DNASE1: variants seen among roughly 807,000 people sequenced by gnomAD.
DNASE1 encodes deoxyribonuclease-1.
DNASE1 carries 40 observed loss-of-function variants against 33.9 expected under a neutral mutation model. That is an observed-to-expected ratio of 1.18 (90% confidence interval 0.92 to 1.54). The LOEUF is 1.54. Ranked by LOEUF, DNASE1 falls within the 40% of genes most tolerant of loss-of-function variation. The pLI, the probability that DNASE1 is intolerant of heterozygous loss-of-function variation, is 0.00. For missense variants in DNASE1, 518 were observed against 372.6 expected, an observed-to-expected ratio of 1.39 and a Z score of -3.21; for synonymous variants, 216 against 160.0, an observed-to-expected ratio of 1.35 and a Z score of -2.64.
chr16:3,617,474 G>A (rs2041150633), intron 1 of DNASE1, among the ~76,000 whole-genome samples: 1 of 151,762 alleles, frequency 6.6e-6, no homozygotes, highest in Non-Finnish European at 1.5e-5. Context: ...AAACTTTTTT[G>A]TGTAAAAGTA....
At chr16:3,638,424 G>A (rs962058163), upstream of DNASE1, among the ~76,000 whole-genome samples, 20 of 152,046 alleles carry the variant, frequency 1.3e-4, no homozygotes, top group African/African-American at 4.1e-4. Context: ...TGCAAGCTCC[G>A]CCTCCAGGGT....
chr16:3,648,830 AAGG>A, intron 1 of DNASE1, among the ~76,000 whole-genome samples: 1 of 152,354 alleles, frequency 6.6e-6, no homozygotes, highest in Non-Finnish European at 1.5e-5. Context: ...TATAGGATCT[AAGG>A]TCCATACATT....
chr16:3,663,962 C>T (rs1260054844), exon 10 of DNASE1: 1 of 348,112 alleles, frequency 2.9e-6, no homozygotes, highest in East Asian at 5.9e-5. Flanking sequence ...ACTCAGGAGG[C>T]TGAGGCAGGA....
chr16:3,630,118 C>G (rs1215734099), intron 1 of DNASE1, among the ~76,000 whole-genome samples: 5 of 151,670 alleles, frequency 3.3e-5, no homozygotes, highest in Non-Finnish European at 7.4e-5. Flanking sequence ...ACGCCCAGCC[C>G]TTGTTTGTTT....
chr16:3,664,315 G>A, exon 10 of DNASE1: 1 of 1,611,744 alleles, frequency 6.2e-7, no homozygotes, highest in Non-Finnish European at 8.5e-7. Flanking sequence ...TAGGGTGAGT[G>A]CTCTGCCAGG....
chr16:3,664,078 A>G, exon 10 of DNASE1: 1 of 587,028 alleles, frequency 1.7e-6, no homozygotes, highest in South Asian at 2.8e-5. Context: ...AACAAAAAAC[A>G]AACAAAAAAA....
At chr16:3,658,735 C>G, downstream of DNASE1, 1 of 1,530,962 alleles carries the variant, frequency 6.5e-7, no homozygotes, top group Non-Finnish European at 9.0e-7. Flanking sequence ...ACCCTGAAGG[C>G]AGGCTGGCAG....
chr16:3,638,160 A>T (rs1396183960), upstream of DNASE1, among the ~76,000 whole-genome samples: 1 of 151,018 alleles, frequency 6.6e-6, no homozygotes, highest in African/African-American at 2.4e-5. Context: ...TACTTTAAAG[A>T]TGTTACTTCT....
At chr16:3,622,463 T>C (rs1210530100) in intron 1 of DNASE1, among the ~76,000 whole-genome samples, 1 of 152,210 alleles carries the variant, frequency 6.6e-6, no homozygotes, top group Non-Finnish European at 1.5e-5. Flanking sequence ...TTTGCATTCT[T>C]TTAGATTGTG....
At chr16:3,617,852 G>A (rs1369269414) in intron 1 of DNASE1, among the ~76,000 whole-genome samples, 2 of 152,130 alleles carry the variant, frequency 1.3e-5, no homozygotes, top group Admixed American at 6.6e-5. Context: ...ATTAGAGGAA[G>A]TGGGCCTTCA....
intron 1 of DNASE1, among the ~76,000 whole-genome samples, chr16:3,644,747 AG>A (rs941944880): frequency 6.6e-6 from 1 of 151,120 alleles, no homozygotes; most frequent in African/African-American, 2.4e-5. Context: ...AAAAAAAAAA[AG>A]AAATAAAAAA....
At position 3,664,897 on chromosome 16, in the gene DNASE1, G is replaced by A. The variant is rs548571917; in HGVS notation, c.*6944G>A. ...GACTGGCTTTGCCCAGTGGGTTTCA[G>A]TGGGATTTGGAGAAGGGCCCTTAGG... On this transcript the variant is annotated 3_prime_UTR_variant, in exon 10 of 10. Coordinates refer to the DNASE1 transcript ENST00000407479. 4.6e-4 allele frequency: 76 copies of A among 163,488 alleles called. 1 individual carries two copies. The highest frequency in any genetic ancestry group is 9.4e-4 in the African/African-American group (39 of 41,686). 10.1% of individuals were successfully genotyped at this position (163,488 alleles called of 1,614,324 possible).
chr16:3,647,378 A>T (rs1359978279), intron 1 of DNASE1, among the ~76,000 whole-genome samples: 1 of 151,550 alleles, frequency 6.6e-6, no homozygotes. Context: ...GGCTCACACA[A>T]TCCTCCTACC....
intron 1 of DNASE1, among the ~76,000 whole-genome samples, chr16:3,624,074 C>T (rs7185802): frequency 0.36 from 54,935 of 151,802 alleles, 12,360 homozygotes; most frequent in African/African-American, 0.64. Flanking sequence ...CACTTGAGTG[C>T]AAGACCAGCC....
At chr16:3,623,999 G>A (rs1422280133) in intron 1 of DNASE1, among the ~76,000 whole-genome samples, 1 of 152,052 alleles carries the variant, frequency 6.6e-6, no homozygotes, top group Non-Finnish European at 1.5e-5. Context: ...AAAACAGTAT[G>A]GAGGCCAGGT....
At position 3,657,371 on chromosome 16, in the gene DNASE1, T is replaced by G. The variant is rs755325026; in HGVS notation, c.704+30T>G. On this transcript the variant is annotated intron_variant, in intron 7 of 8. Transcript: ENST00000246949. ...GCAGGGCCTCGCGCTTAGGGCAGAC[T>G]GAGGGCACCTCCAAGGGCAGCCGTG... 1.3e-5 allele frequency: 21 copies of G among 1,608,336 alleles called. No homozygotes were observed. In the Admixed American group the frequency reaches 3.3e-4, roughly 26 times the overall value.
At chr16:3,658,924 T>TC, downstream of DNASE1, 2 of 1,564,816 alleles carry the variant, frequency 1.3e-6, no homozygotes, top group South Asian at 2.2e-5. Flanking sequence ...GACCCTCCCT[T>TC]CATGTTTTGG....
At chr16:3,630,050 C>T (rs1006578027) in intron 1 of DNASE1, among the ~76,000 whole-genome samples, 4 of 152,242 alleles carry the variant, frequency 2.6e-5, no homozygotes, top group East Asian at 3.9e-4. Flanking sequence ...AAATCCTAAC[C>T]GCAGGTGATC....
At chr16:3,643,036 G>A (rs1489072051) in exon 1 of DNASE1, 1 of 152,462 alleles carries the variant, frequency 6.6e-6, no homozygotes, top group Non-Finnish European at 1.5e-5. Flanking sequence ...AGCTTGGGGA[G>A]GTGAGCCCCA....
Sources: allele counts gnomAD v4.1 joint callset (sites outside exome capture counted in the v4.1 genomes callset), GRCh38; gene constraint gnomAD v4.1.1; transcripts MANE v1.5; gene names NCBI Gene and HGNC (gene_info 2026-07-23, HGNC 2026-07-21).